The following ITSN2 variants were observed in gnomAD, a reference collection of about 807,000 sequenced individuals.
ITSN2 encodes intersectin-2.
ITSN2 carries 156 observed loss-of-function variants against 243.7 expected under a neutral mutation model. The observed-to-expected ratio is 0.64, with a 90% CI of 0.56 to 0.73. The LOEUF (loss-of-function observed/expected upper bound fraction) is 0.73, where lower values mean the gene tolerates loss of function less well. ITSN2 is among the 30% of genes least tolerant of loss of function. The probability of loss-of-function intolerance (pLI) is 0.00; values close to 1 mark genes in which losing one functional copy is unlikely to be tolerated. For synonymous variants in ITSN2, 703 were observed against 699.9 expected (o/e 1.00, Z -0.07); for missense variants, 1,801 against 1,996.1 (o/e 0.90, Z 1.86).
At chr2:24,223,175 C>A (rs1435230224) in intron 29 of ITSN2, among the ~76,000 whole-genome samples, 2 of 152,162 alleles carry the variant, frequency 1.3e-5, no homozygotes, top group East Asian at 3.9e-4. Context: ...AGCGAAGGCG[C>A]ACCCTGCACC....
chr2:24,205,279 G>GAAGT lies in ITSN2; in HGVS notation c.4693_4696dup (p.Ser1566TyrfsTer13). ...ATGCACCATCAGGCGCCCAATGCCT[G>GAAGT]AAGTCTTTTGGGAGCGGGCTACAAA... On this transcript the variant is annotated frameshift_variant, in exon 38 of 40. Transcript: ENST00000355123. LOFTEE classifies it high-confidence loss of function. 6.2e-7 allele frequency: 1 copy of GAAGT among 1,613,918 alleles called. No individual in the cohort carries two copies. Among genetic ancestry groups the GAAGT allele is most frequent in the Non-Finnish European group, 8.5e-7 (1 of 1,179,812 alleles).
At chr2:24,226,932 G>A (rs919325068) in intron 29 of ITSN2, among the ~76,000 whole-genome samples, 2 of 151,962 alleles carry the variant, frequency 1.3e-5, no homozygotes, top group Admixed American at 1.3e-4. Flanking sequence ...ACATTTAGTA[G>A]AGATGAAACC....
chr2:24,302,984 T>C (rs943912190), intron 9 of ITSN2, among the ~76,000 whole-genome samples: 3 of 152,216 alleles, frequency 2.0e-5, no homozygotes, highest in African/African-American at 7.2e-5. Flanking sequence ...GCATTACCTA[T>C]GTGTCTGTGG....
In ITSN2 at chr2:24,348,801, C is replaced by T. The variant is rs576760882; in HGVS notation, c.-34+11503G>A. On this transcript the variant is annotated intron_variant, in intron 1 of 39. Coordinates refer to ENST00000355123, the MANE Select transcript of ITSN2 (RefSeq NM_006277.3). ...TAAAGAAATTCAAAGTAGCAGCTAA[C>T]GGGCAGAAAAGCATTCGTCCATTTT... is the stretch of plus-strand genomic sequence containing the variant. Among the ~76,000 whole-genome samples the T allele has an allele frequency of 5.3e-5, 8 of 152,256 alleles. No homozygotes were observed. In the East Asian group the frequency reaches 7.7e-4, roughly 15 times the overall value.
chr2:24,289,897 G>T (rs2891381), intron 15 of ITSN2, among the ~76,000 whole-genome samples: 148,965 of 152,328 alleles, frequency 0.98, 72,835 homozygotes, highest in East Asian at 0.99. Flanking sequence ...TAGACACCCC[G>T]ATCTTAGATG....
intron 29 of ITSN2, among the ~76,000 whole-genome samples, chr2:24,222,388 C>T (rs1670553154): frequency 6.6e-6 from 1 of 151,312 alleles, no homozygotes; most frequent in Non-Finnish European, 1.5e-5. Flanking sequence ...TACTTGATAA[C>T]TAGAACTATC....
intron 2 of ITSN2, among the ~76,000 whole-genome samples, chr2:24,316,070 A>G (rs1382914082): frequency 6.6e-6 from 1 of 152,170 alleles, no homozygotes; most frequent in Non-Finnish European, 1.5e-5. Context: ...AGGGATAAGA[A>G]CATTTCACAC....
In ITSN2 at chr2:24,307,584, G is replaced by A. The variant is rs1682717336; in HGVS notation, c.793+1033C>T. Among the ~76,000 whole-genome samples, 5 of 152,248 alleles carry A rather than the reference G, an allele frequency of 3.3e-5. No homozygotes were observed. In the South Asian group the frequency reaches 1.0e-3, roughly 32 times the overall value. ...ACTTATCCCCATGCTTCCACAAGAG[G>A]TAACCACTATCCTGAATTTTGTATG... On this transcript the variant is annotated intron_variant, in intron 8 of 39. Transcript: ENST00000355123.
At chr2:24,303,386 A>G (rs1194567512) in intron 9 of ITSN2, among the ~76,000 whole-genome samples, 4 of 152,348 alleles carry the variant, frequency 2.6e-5, no homozygotes, top group East Asian at 1.9e-4. Context: ...GTTTTTACCG[A>G]AAGTTTAAAT....
chr2:24,208,117 T>C lies in ITSN2; in HGVS notation c.4678+120A>G, dbSNP rs934522906. On this transcript the variant is annotated intron_variant, in intron 37 of 39. Coordinates refer to ENST00000355123, the MANE Select transcript of ITSN2 (RefSeq NM_006277.3). ...AAGAGGGGAGGGCTCTCTGGTCTGA[T>C]CCCGCAGCAGGTCTGGTCTTTCAGA... 7 of 863,688 alleles carry C rather than the reference T, an allele frequency of 8.1e-6. No individual in the cohort carries two copies. The African/African-American group carries it at 1.2e-4, about 14-fold the overall frequency. 53.5% of individuals were successfully genotyped at this position (863,688 alleles called of 1,614,324 possible).
At chr2:24,323,505 A>G (rs1684817012) in intron 2 of ITSN2, among the ~76,000 whole-genome samples, 1 of 152,244 alleles carries the variant, frequency 6.6e-6, no homozygotes, top group Non-Finnish European at 1.5e-5. Flanking sequence ...TTCCATTTAT[A>G]TGACATTCTG....
At chr2:24,272,982 T>C (rs955269680) in intron 18 of ITSN2, among the ~76,000 whole-genome samples, 1 of 151,814 alleles carries the variant, frequency 6.6e-6, no homozygotes, top group Non-Finnish European at 1.5e-5. Flanking sequence ...CACTTAAATT[T>C]AGCACCTTCT....
At chr2:24,359,570 A>G (rs2551149) in intron 1 of ITSN2, among the ~76,000 whole-genome samples, 148,957 of 152,322 alleles carry the variant, frequency 0.98, 72,830 homozygotes, top group East Asian at 0.99. Context: ...TCTATAGAAT[A>G]CAAAGCCATC....
rs947951126 is a variant in ITSN2, at chr2:24,249,602, G to C, written c.3121-720C>G. Among the ~76,000 whole-genome samples, 1 of 152,224 alleles carries C rather than the reference G, an allele frequency of 6.6e-6. No individual in the cohort carries two copies. The highest frequency in any genetic ancestry group is 2.4e-5 in the African/African-American group (1 of 41,470). ...AACATTTTCTGAGTACTGTATAACA[G>C]ACACTGCTCTAAGAGGTTCCATATA... is the stretch of plus-strand genomic sequence containing the variant. On this transcript the variant is annotated intron_variant, in intron 25 of 39. Transcript: ENST00000355123. The surrounding 1 kb of genome is among the most constrained non-coding windows in gnomAD (Gnocchi z 4.4).
At position 24,292,837 on chromosome 2, in the gene ITSN2, T is replaced by C. The variant is rs185058702; in HGVS notation, c.1723+851A>G. ...CAGTGATTTGGTTTCTCATTTGTCT[T>C]GCTCCTTTGCCTTATTTCTTAATTT... is the stretch of plus-strand genomic sequence containing the variant. On this transcript the variant is annotated intron_variant, in intron 15 of 39. Transcript: ENST00000355123. Among the ~76,000 whole-genome samples the C allele has an allele frequency of 2.0e-5, 3 of 152,352 alleles. No homozygotes were observed. In the East Asian group the frequency reaches 5.8e-4, roughly 29 times the overall value.
rs539303403 is a variant in ITSN2, at chr2:24,312,775, GT to G, written c.189-401del. Among the ~76,000 whole-genome samples the G allele has an allele frequency of 1.0e-3, 152 of 152,218 alleles. 1 individual carries two copies. The highest frequency in any genetic ancestry group is 3.6e-3 in the African/African-American group (148 of 41,554). On this transcript the variant is annotated intron_variant, in intron 4 of 39. Transcript: ENST00000355123. ...TTCCAAGTGGAAAGATGGGACAGGG[GT>G]TGTTACTTATTGTAAACGTTTTTAA...
rs200404982 is a variant in ITSN2, at chr2:24,297,548, C to CT, written c.1494+1116dup. 1.6e-3 allele frequency among the ~76,000 whole-genome samples: 227 copies of CT among 142,936 alleles called. 1 individual carries two copies. The highest frequency in any genetic ancestry group is 5.2e-3 in the African/African-American group (214 of 40,810). The allele number at this position is 142,936 out of a possible 152,430, so 93.8% of individuals were successfully genotyped here. ...TCAGTTGTCTTTTTAATAGTAGAAT[C>CT]TTTTTTTTTCCAAGCAAATCTTGAG... On this transcript the variant is annotated intron_variant, in intron 13 of 39. Transcript: ENST00000355123.
chr2:24,272,800 T>C (rs1056653607), intron 18 of ITSN2, among the ~76,000 whole-genome samples: 1 of 152,174 alleles, frequency 6.6e-6, no homozygotes, highest in African/African-American at 2.4e-5. Context: ...ATTTCTCCTC[T>C]CTAGGTCCAC....
intron 15 of ITSN2, among the ~76,000 whole-genome samples, chr2:24,289,801 C>G (rs1680001121): frequency 6.6e-6 from 1 of 152,144 alleles, no homozygotes; most frequent in East Asian, 1.9e-4. Flanking sequence ...TTTTTTAGCA[C>G]TCATCAGCTA....
Sources: gnomAD v4.1 joint callset for allele counts (sites outside exome capture counted in the v4.1 genomes callset) on GRCh38, gnomAD v4.1.1 for gene constraint, Gnocchi (gnomAD v3.1) non-coding constraint, MANE v1.5 for transcripts, NCBI Gene and HGNC (gene_info 2026-07-23, HGNC 2026-07-21) for gene names.